Variants in GRM7 observed in about 807,000 individuals in gnomAD.
GRM7 encodes glutamate metabotropic receptor 7.
GRM7 carries 35 observed loss-of-function variants against 84.5 expected under a neutral mutation model. The ratio of observed to expected loss-of-function variants is 0.41; its 90% CI spans 0.32 to 0.55. The LOEUF (loss-of-function observed/expected upper bound fraction) is 0.55. GRM7 is among the 20% of genes least tolerant of loss of function. The probability of loss-of-function intolerance (pLI) is 0.19; values close to 1 mark genes in which losing one functional copy is unlikely to be tolerated. For missense variants in GRM7, 1,003 were observed against 1,194.6 expected (o/e 0.84, Z 2.36); for synonymous variants, 487 against 455.1 (o/e 1.07, Z -0.89).
At chr3:7,282,224 G>T (rs1338235671) in intron 2 of GRM7, among the ~76,000 whole-genome samples, 1 of 152,148 alleles carries the variant, frequency 6.6e-6, no homozygotes, top group Non-Finnish European at 1.5e-5. Flanking sequence ...TACAATCAAT[G>T]GCTTAAAATA....
chr3:7,050,458 C>T (rs979371814), intron 1 of GRM7, among the ~76,000 whole-genome samples: 12 of 151,884 alleles, frequency 7.9e-5, no homozygotes, highest in African/African-American at 2.9e-4. Flanking sequence ...AGTTTCACAT[C>T]TAAACACATG....
At chr3:7,659,345 G>C (rs1295689208) in intron 8 of GRM7, among the ~76,000 whole-genome samples, 1 of 152,154 alleles carries the variant, frequency 6.6e-6, no homozygotes, top group South Asian at 2.1e-4. Flanking sequence ...CTATAGCTAT[G>C]AGAGATGAGC....
chr3:7,605,221 A>G (rs1398824815), intron 8 of GRM7, among the ~76,000 whole-genome samples: 1 of 152,180 alleles, frequency 6.6e-6, no homozygotes, highest in Non-Finnish European at 1.5e-5. Context: ...GAAGAGTCAC[A>G]GAAAAACAAA....
chr3:7,252,951 A>G (rs1559529474), intron 2 of GRM7, among the ~76,000 whole-genome samples: 1 of 149,510 alleles, frequency 6.7e-6, no homozygotes, highest in African/African-American at 2.5e-5. Context: ...CAGCCTCCCA[A>G]AGTGCTGGGA....
intron 2 of GRM7, among the ~76,000 whole-genome samples, chr3:7,276,696 A>G (rs1393617360): frequency 6.6e-6 from 1 of 151,760 alleles, no homozygotes; most frequent in Non-Finnish European, 1.5e-5. Context: ...GTTTTCACCT[A>G]AGTGAAATAT....
chr3:7,004,062 TC>T (rs1435441195), intron 1 of GRM7, among the ~76,000 whole-genome samples: 2 of 152,104 alleles, frequency 1.3e-5, no homozygotes, highest in Non-Finnish European at 2.9e-5. Flanking sequence ...GCTGCTGGCT[TC>T]CCCCAGAATA....
chr3:7,729,349 G>A (rs1702232186), intron 9 of GRM7, among the ~76,000 whole-genome samples: 1 of 152,090 alleles, frequency 6.6e-6, no homozygotes. Context: ...TGTACTTTTG[G>A]TTGGTGGTTT....
At chr3:7,175,573 T>C (rs967796838) in intron 2 of GRM7, among the ~76,000 whole-genome samples, 3 of 152,202 alleles carry the variant, frequency 2.0e-5, no homozygotes, top group Non-Finnish European at 4.4e-5. Context: ...AGTGTCACTC[T>C]ATTGCCCAGG....
At chr3:7,409,378 A>G (rs1461575767) in intron 4 of GRM7, among the ~76,000 whole-genome samples, 1 of 149,490 alleles carries the variant, frequency 6.7e-6, no homozygotes, top group East Asian at 2.0e-4. Flanking sequence ...GAAAGACAAA[A>G]GCCCTGATAA....
At chr3:7,304,158 G>C (rs1256644461) in intron 3 of GRM7, among the ~76,000 whole-genome samples, 1 of 151,982 alleles carries the variant, frequency 6.6e-6, no homozygotes, top group African/African-American at 2.4e-5. Flanking sequence ...GGAACTTAGG[G>C]TTCTAATTGC....
At chr3:7,235,763 CAT>C (rs1697328906) in intron 2 of GRM7, among the ~76,000 whole-genome samples, 1 of 152,096 alleles carries the variant, frequency 6.6e-6, no homozygotes, top group Non-Finnish European at 1.5e-5. Context: ...AGGAATATAA[CAT>C]ACATATAATT....
intron 2 of GRM7, among the ~76,000 whole-genome samples, chr3:7,294,348 C>T (rs1699741944): frequency 6.6e-6 from 1 of 152,172 alleles, no homozygotes; most frequent in African/African-American, 2.4e-5. Context: ...GCCATTTCTT[C>T]TCCCCAGGAG....
intron 1 of GRM7, among the ~76,000 whole-genome samples, chr3:6,959,122 G>C (rs149991191): frequency 9.4e-4 from 143 of 152,216 alleles, no homozygotes; most frequent in African/African-American, 3.2e-3. Context: ...CAGAATTAAG[G>C]CTAAGCTCTC....
intron 7 of GRM7, among the ~76,000 whole-genome samples, chr3:7,572,875 T>TATATATAA (rs1694769432): frequency 1.5e-5 from 1 of 66,424 alleles, no homozygotes; most frequent in African/African-American, 5.9e-5. Flanking sequence ...TATATATATA[T>TATATATAA]ATATAAATAA....
chr3:7,375,214 CT>C (rs1553572612), intron 4 of GRM7, among the ~76,000 whole-genome samples: 2,417 of 132,892 alleles, frequency 0.018, 76 homozygotes, highest in African/African-American at 0.06. Context: ...TAAACATCCC[CT>C]TTTTTTTTTT....
intron 2 of GRM7, among the ~76,000 whole-genome samples, chr3:7,284,621 TTTTG>T (rs1448596832): frequency 6.6e-6 from 1 of 152,180 alleles, no homozygotes; most frequent in Non-Finnish European, 1.5e-5. Flanking sequence ...TATTGTTATA[TTTTG>T]TTTATCATGA....
chr3:7,182,164 G>T (rs1193416769), intron 2 of GRM7, among the ~76,000 whole-genome samples: 1 of 151,678 alleles, frequency 6.6e-6, no homozygotes, highest in Non-Finnish European at 1.5e-5. Context: ...CAACATTCAA[G>T]TTCAGAGAAT....
At position 7,432,807 on chromosome 3, in the gene GRM7, C is replaced by T. The variant is rs146782114; in HGVS notation, c.1174+17644C>T. Among the ~76,000 whole-genome samples, 416 of 152,128 alleles carry T rather than the reference C, an allele frequency of 2.7e-3. 2 individuals carry two copies. The highest frequency in any genetic ancestry group is 6.2e-3 in the South Asian group (30 of 4,818). ...CACAGTCAAAGAGAGAATGCTTGAA[C>T]TGGAACATATATCTGAAAGAAAATG... On this transcript the variant is annotated intron_variant, in intron 5 of 9. Coordinates refer to ENST00000357716, the MANE Select transcript of GRM7 (RefSeq NM_000844.4).
rs974482882 is a variant in GRM7, at chr3:6,928,852, G to T, written c.519+66945G>T. On this transcript the variant is annotated intron_variant, in intron 1 of 9. Coordinates refer to ENST00000357716, the MANE Select transcript of GRM7 (RefSeq NM_000844.4). This position sits in a 1 kb window ranked among gnomAD's most constrained non-coding sequence, Gnocchi z 4.5. ...ACTTGTTTGTCATTCATGATGATTAGGTTCCCCCATATTTGAACTGGTACA... is the reference window on the plus strand; with the variant it reads ...ACTTGTTTGTCATTCATGATGATTATGTTCCCCCATATTTGAACTGGTACA... 6.6e-6 allele frequency among the ~76,000 whole-genome samples: 1 copy of T among 152,178 alleles called. No homozygotes were observed. Among genetic ancestry groups the T allele is most frequent in the African/African-American group, 2.4e-5 (1 of 41,444 alleles).
Sources: gnomAD v4.1 joint callset for allele counts (sites outside exome capture counted in the v4.1 genomes callset) on GRCh38, gnomAD v4.1.1 for gene constraint, Gnocchi (gnomAD v3.1) non-coding constraint, MANE v1.5 for transcripts, NCBI Gene and HGNC (gene_info 2026-07-23, HGNC 2026-07-21) for gene names.